Variants in BDNF observed in about 807,000 individuals in gnomAD.
BDNF encodes neurotrophic factor BDNF precursor form.
A neutral mutation model predicts 19.5 loss-of-function variants in BDNF; 1 was observed. The observed-to-expected ratio is 0.05, with a 90% confidence interval of 0.02 to 0.24. The LOEUF (loss-of-function observed/expected upper bound fraction) is 0.24, where lower values mean the gene tolerates loss of function less well. Among genes scored for constraint, BDNF ranks in the 10% least tolerant of loss-of-function variants. The pLI is 1.00. For missense variants in BDNF, 195 were observed against 317.6 expected, an observed-to-expected ratio of 0.61 and a Z score of 2.93; for synonymous variants, 100 against 121.6, an observed-to-expected ratio of 0.82 and a Z score of 1.17.
intron 1 of BDNF, among the ~76,000 whole-genome samples, chr11:27,660,550 A>G (rs1179748361): frequency 6.6e-6 from 1 of 152,206 alleles, no homozygotes; most frequent in Non-Finnish European, 1.5e-5. Flanking sequence ...CAGTCCAAAT[A>G]AAAACAACCC....
chr11:27,692,639 G>C (rs777932706), intron 1 of BDNF, among the ~76,000 whole-genome samples: 1 of 152,132 alleles, frequency 6.6e-6, no homozygotes, highest in Non-Finnish European at 1.5e-5. Flanking sequence ...CACCACACCA[G>C]ACCTCTTTTT....
chr11:27,701,520 C>G (rs1395247889), upstream of BDNF: 3 of 988,072 alleles, frequency 3.0e-6, no homozygotes, highest in African/African-American at 1.7e-5. Flanking sequence ...ATACTCGCAC[C>G]CCATCAGCGA....
chr11:27,721,075 C>T lies in BDNF; in HGVS notation c.3+337G>A, dbSNP rs1860729117. The stretch of plus-strand genomic sequence containing the variant: ...TTAACCCCCTTGCAAATGTCAATTA[C>T]ATGCCCACATATAAATCATAGAATA... On this transcript the variant is annotated intron_variant, in intron 1 of 1. Transcript: ENST00000314915. Among the ~76,000 whole-genome samples, 3 of 147,042 alleles carry T rather than the reference C, an allele frequency of 2.0e-5. No homozygotes were observed. In the South Asian group the frequency reaches 6.8e-4, roughly 34 times the overall value.
Position 27,657,731 on chromosome 11 carries a change from TTTC to T in BDNF, c.*87_*89del. ...TACATGCAGTTCATAAAATTATTTT[TTTC>T]TTAACTGAATAATTTACCCTGTTAT... On this transcript the variant is annotated 3_prime_UTR_variant, in exon 2 of 2. Transcript: ENST00000356660. The surrounding 1 kb of genome is among the most constrained non-coding windows in gnomAD (Gnocchi z 5.0). The T allele has an allele frequency of 6.4e-7, 1 of 1,563,238 alleles. No homozygotes were observed. The highest frequency in any genetic ancestry group is 8.6e-7 in the Non-Finnish European group (1 of 1,160,174).
intron 1 of BDNF, among the ~76,000 whole-genome samples, chr11:27,699,132 G>A (rs1368055329): frequency 6.6e-6 from 1 of 150,516 alleles, no homozygotes; most frequent in Non-Finnish European, 1.5e-5. Flanking sequence ...AGCATGGCCG[G>A]CAGAGGGCAC....
Position 27,680,017 on chromosome 11 carries a change from G to T in BDNF, c.-22+20147C>A, listed in dbSNP as rs1045164220. Among the ~76,000 whole-genome samples, 7 of 152,352 alleles carry T rather than the reference G, an allele frequency of 4.6e-5. No homozygotes were observed. The South Asian group carries it at 1.0e-3, about 23-fold the overall frequency. On this transcript the variant is annotated intron_variant, in intron 1 of 1. Coordinates refer to ENST00000356660, the MANE Select transcript of BDNF (RefSeq NM_001709.5). ...ATTTCTGTGGCGAGGTTATTTAGGA[G>T]AGCCTTTCTTTTGGATGTCAACTTG...
At chr11:27,715,902 T>G (rs1480664233) in intron 1 of BDNF, among the ~76,000 whole-genome samples, 1 of 152,202 alleles carries the variant, frequency 6.6e-6, no homozygotes, top group Non-Finnish European at 1.5e-5. Flanking sequence ...GTGTTATTAC[T>G]AGGAAATACA....
At chr11:27,710,099 G>A (rs1860265811) in intron 1 of BDNF, among the ~76,000 whole-genome samples, 1 of 152,126 alleles carries the variant, frequency 6.6e-6, no homozygotes, top group South Asian at 2.1e-4. Flanking sequence ...TTGCTAGGCT[G>A]CTTTCAGAGC....
rs370869771 is a variant in BDNF at position 27,699,000 on chromosome 11, C to A, written c.-22+1164G>T. On this transcript the variant is annotated intron_variant, in intron 1 of 1. Coordinates refer to ENST00000356660, the MANE Select transcript of BDNF (RefSeq NM_001709.5). ...ACCGACGACGAGTCGCACGCCCCACCGAGCTGGAGTCAGCAGCACCATTCA... is the reference window on the plus strand; with the variant it reads ...ACCGACGACGAGTCGCACGCCCCACAGAGCTGGAGTCAGCAGCACCATTCA... 1.5e-3 allele frequency among the ~76,000 whole-genome samples: 223 copies of A among 152,234 alleles called. 4 individuals are homozygous for A. In the South Asian group the frequency reaches 0.028, roughly 19 times the overall value.
intron 1 of BDNF, among the ~76,000 whole-genome samples, chr11:27,681,139 G>A (rs913986562): frequency 1.3e-5 from 2 of 152,034 alleles, no homozygotes; most frequent in Non-Finnish European, 2.9e-5. Flanking sequence ...ATGGGGGAAA[G>A]GGATTTCCCT....
chr11:27,682,225 G>A (rs997634990), intron 1 of BDNF, among the ~76,000 whole-genome samples: 37 of 151,874 alleles, frequency 2.4e-4, no homozygotes, highest in African/African-American at 8.9e-4. Context: ...CAAACCATCT[G>A]TAGAAGTTTC....
At chr11:27,713,691 G>A (rs994952474) in intron 1 of BDNF, among the ~76,000 whole-genome samples, 4 of 152,240 alleles carry the variant, frequency 2.6e-5, no homozygotes, top group South Asian at 2.1e-4. Context: ...ATTTTCTGCC[G>A]CTATTTAGGA....
intron 1 of BDNF, among the ~76,000 whole-genome samples, chr11:27,717,223 T>A (rs953706009): frequency 6.6e-6 from 1 of 152,178 alleles, no homozygotes; most frequent in Admixed American, 6.5e-5. Flanking sequence ...TAATAGACAA[T>A]TGAAAAATAA....
intron 1 of BDNF, chr11:27,691,195 A>T (rs748240632): frequency 1.3e-5 from 2 of 152,208 alleles, no homozygotes; most frequent in African/African-American, 2.4e-5. Context: ...TTTGGGGGCA[A>T]GAAGTTCTGA....
At chr11:27,701,013 A>C, upstream of BDNF, 1 of 1,361,656 alleles carries the variant, frequency 7.3e-7, no homozygotes, top group Non-Finnish European at 9.8e-7. Flanking sequence ...GAACGCGAGC[A>C]CACAATGAAA....
chr11:27,682,821 G>A (rs549336972), intron 1 of BDNF, among the ~76,000 whole-genome samples: 1 of 152,170 alleles, frequency 6.6e-6, no homozygotes, highest in South Asian at 2.1e-4. Flanking sequence ...ATGGGCATTC[G>A]GATTGGTTCC....
chr11:27,660,266 A>G, intron 1 of BDNF: 1 of 1,256,580 alleles, frequency 8.0e-7, no homozygotes, highest in Non-Finnish European at 1.0e-6. Flanking sequence ...AGACTTTATT[A>G]CCATCCCTAA....
intron 1 of BDNF, among the ~76,000 whole-genome samples, chr11:27,682,548 T>TCC (rs1042179509): frequency 2.0e-5 from 3 of 151,992 alleles, no homozygotes; most frequent in Non-Finnish European, 2.9e-5. Flanking sequence ...CCTAATGCTA[T>TCC]CCCTCCCCTA....
At chr11:27,699,483 C>T in intron 1 of BDNF, 1 of 1,613,966 alleles carries the variant, frequency 6.2e-7, no homozygotes, top group Non-Finnish European at 8.5e-7. Context: ...CTTAACTTCC[C>T]TGGAGGGCGC....
Sources: gnomAD v4.1 joint callset for allele counts (sites outside exome capture counted in the v4.1 genomes callset) on GRCh38, gnomAD v4.1.1 for gene constraint, Gnocchi (gnomAD v3.1) non-coding constraint, MANE v1.5 for transcripts, NCBI Gene and HGNC (gene_info 2026-07-23, HGNC 2026-07-21) for gene names.